MRTFB: variants seen among roughly 807,000 people sequenced by gnomAD.
The protein encoded by MRTFB is myocardin related transcription factor B.
MRTFB carries 29 observed loss-of-function variants against 104.2 expected under a neutral mutation model. The ratio of observed to expected loss-of-function variants is 0.28; its 90% CI spans 0.21 to 0.38. MRTFB has a LOEUF of 0.38. Ranked by LOEUF, MRTFB falls within the 10% of genes least tolerant of loss-of-function variation. The pLI, the probability that MRTFB is intolerant of heterozygous loss-of-function variation, is 1.00. For synonymous variants in MRTFB, 535 were observed against 519.5 expected (o/e 1.03, Z -0.41); for missense variants, 1,270 against 1,341.6 (o/e 0.95, Z 0.83).
At chr16:14,151,103 T>C (rs1179573727) in intron 3 of MRTFB, 1 of 152,136 alleles carries the variant, frequency 6.6e-6, no homozygotes, top group Non-Finnish European at 1.5e-5. Flanking sequence ...CAACAGGAGG[T>C]GACTACAAAA....
intron 7 of MRTFB, among the ~76,000 whole-genome samples, chr16:14,217,567 C>T (rs1250564191): frequency 6.6e-6 from 1 of 152,162 alleles, no homozygotes; most frequent in African/African-American, 2.4e-5. Context: ...TGCATGGAAT[C>T]ATGGTTGATT....
At position 14,251,946 on chromosome 16, in the gene MRTFB, A is replaced by G. The variant is rs1184046713; in HGVS notation, c.2488A>G (p.Lys830Glu). Residue 830 changes from lysine (K) to glutamate (E), a missense_variant, in exon 14 of 17, where the codon AAG (lysine) becomes GAG (glutamate). Physicochemically the swap from Lys to Glu is moderately conservative, Grantham distance 56. Transcript: ENST00000571589. Reference sequence around the variant, plus strand: ...AGCTGTCCAGCAGCCCTTTATCAATAAGGCCTCCAACAGTGTTCTTCAATC... The same window carrying G: ...AGCTGTCCAGCAGCCCTTTATCAATGAGGCCTCCAACAGTGTTCTTCAATC... ...APAVQQPFIN[K>E]ASNSVLQSRN... 5 of 1,614,172 alleles carry G rather than the reference A, an allele frequency of 3.1e-6. No homozygotes were observed. Among genetic ancestry groups the G allele is most frequent in the South Asian group, 2.2e-5 (2 of 91,074 alleles).
At chr16:14,214,146 A>C (rs1183741848) in intron 6 of MRTFB, among the ~76,000 whole-genome samples, 1 of 152,210 alleles carries the variant, frequency 6.6e-6, no homozygotes, top group African/African-American at 2.4e-5. Context: ...CGAGGCTGGT[A>C]AGGACAGTTC....
At chr16:14,204,453 G>T (rs1387160072) in intron 3 of MRTFB, among the ~76,000 whole-genome samples, 1 of 152,104 alleles carries the variant, frequency 6.6e-6, no homozygotes, top group Non-Finnish European at 1.5e-5. Flanking sequence ...CTACCATATT[G>T]CTGGGAATGA....
At chr16:14,087,838 A>G (rs927282996) in intron 2 of MRTFB, among the ~76,000 whole-genome samples, 2 of 152,202 alleles carry the variant, frequency 1.3e-5, no homozygotes, top group Non-Finnish European at 2.9e-5. Context: ...GGGAATTACA[A>G]TCAGATTGCA....
upstream of MRTFB, among the ~76,000 whole-genome samples, chr16:14,066,736 G>C (rs1026708967): frequency 1.3e-5 from 2 of 151,978 alleles, no homozygotes; most frequent in African/African-American, 4.8e-5. Context: ...GCAGTGGCAC[G>C]ATCACAGCAT....
chr16:14,219,233 T>C (rs1317982368), intron 8 of MRTFB, among the ~76,000 whole-genome samples: 1 of 152,232 alleles, frequency 6.6e-6, no homozygotes, highest in Non-Finnish European at 1.5e-5. Flanking sequence ...TTGAATGTTT[T>C]GATCATTGAT....
intron 3 of MRTFB, chr16:14,152,604 C>G (rs2038668038): frequency 6.6e-6 from 1 of 151,772 alleles, no homozygotes; most frequent in Non-Finnish European, 1.5e-5. Context: ...GGGCAGAACC[C>G]AAGAGATTTG....
the MRTFB span, among the ~76,000 whole-genome samples, chr16:14,039,748 CAAT>C: frequency 1.4e-5 from 2 of 146,078 alleles, no homozygotes; most frequent in East Asian, 4.1e-4. Flanking sequence ...TTTTTTCACT[CAAT>C]AATATGTTCT....
chr16:14,208,192 C>T (rs2041033920), intron 3 of MRTFB, among the ~76,000 whole-genome samples: 1 of 152,162 alleles, frequency 6.6e-6, no homozygotes, highest in African/African-American at 2.4e-5. Context: ...ATAGATGATA[C>T]AGCTGACAGG....
At chr16:14,144,956 A>T (rs1448804219) in intron 3 of MRTFB, among the ~76,000 whole-genome samples, 1 of 139,386 alleles carries the variant, frequency 7.2e-6, no homozygotes, top group Non-Finnish European at 1.5e-5. Flanking sequence ...CTCAAAAAAA[A>T]AAAAAATAAA....
At chr16:13,998,518 C>T in the MRTFB span, among the ~76,000 whole-genome samples, 1 of 152,138 alleles carries the variant, frequency 6.6e-6, no homozygotes, top group East Asian at 1.9e-4. Context: ...TGAAGTTGCA[C>T]ACCTGTAGTT....
At chr16:14,197,204 C>G (rs956327457) in intron 3 of MRTFB, among the ~76,000 whole-genome samples, 4 of 151,982 alleles carry the variant, frequency 2.6e-5, no homozygotes, top group Non-Finnish European at 5.9e-5. Flanking sequence ...GAACTCCTGA[C>G]CTCAAGTGAT....
chr16:14,077,709 G>A (rs80283659), intron 1 of MRTFB, among the ~76,000 whole-genome samples: 2,088 of 152,178 alleles, frequency 0.014, 48 homozygotes, highest in African/African-American at 0.046. Context: ...GAATGCTGGA[G>A]GGATTAAAAG....
chr16:14,126,953 A>T (rs984510209), intron 2 of MRTFB, among the ~76,000 whole-genome samples: 4 of 152,344 alleles, frequency 2.6e-5, no homozygotes, highest in Non-Finnish European at 4.4e-5. Flanking sequence ...GCAATTTTTT[A>T]ATGGTTTCTC....
At chr16:14,257,437 C>T (rs561762915) in intron 15 of MRTFB, among the ~76,000 whole-genome samples, 4 of 152,110 alleles carry the variant, frequency 2.6e-5, no homozygotes, top group Non-Finnish European at 5.9e-5. Context: ...GAGGTACACA[C>T]TGTAAGACAG....
intron 10 of MRTFB, among the ~76,000 whole-genome samples, chr16:14,243,405 C>T (rs2042866151): frequency 6.6e-6 from 1 of 152,212 alleles, no homozygotes; most frequent in Admixed American, 6.5e-5. Context: ...ACTGTCACCT[C>T]AAATCCCTGT....
intron 1 of MRTFB, among the ~76,000 whole-genome samples, chr16:14,077,114 T>C (rs905034146): frequency 6.6e-6 from 1 of 152,220 alleles, no homozygotes; most frequent in African/African-American, 2.4e-5. Context: ...GGCTTAAATA[T>C]GGCTTTCTTT....
chr16:14,125,960 A>G (rs112496116), intron 2 of MRTFB, among the ~76,000 whole-genome samples: 16 of 152,216 alleles, frequency 1.1e-4, no homozygotes, highest in Non-Finnish European at 2.1e-4. Flanking sequence ...GTAACCCTGA[A>G]TAATTACTTT....
Sources: allele counts gnomAD v4.1 joint callset (sites outside exome capture counted in the v4.1 genomes callset), GRCh38; gene constraint gnomAD v4.1.1; transcripts MANE v1.5; gene names NCBI Gene and HGNC (gene_info 2026-07-23, HGNC 2026-07-21).